MAF: variants seen among roughly 807,000 people sequenced by gnomAD.
MAF encodes MAF bZIP transcription factor.
A neutral mutation model predicts 22.0 loss-of-function variants in MAF; 10 were observed. That is an observed-to-expected ratio of 0.45 (90% confidence interval 0.28 to 0.77). MAF has a LOEUF of 0.77. Ranked by LOEUF, MAF falls within the 30% of genes least tolerant of loss-of-function variation. The pLI, the probability that MAF is intolerant of heterozygous loss-of-function variation, is 0.12. For synonymous variants in MAF, 337 were observed against 255.8 expected (o/e 1.32, Z -3.03); for missense variants, 544 against 548.4 (o/e 0.99, Z 0.08).
chr16:79,365,130 G>A, the MAF span, among the ~76,000 whole-genome samples: 892 of 152,268 alleles, frequency 5.9e-3, 10 homozygotes, highest in Non-Finnish European at 9.6e-3. Context: ...TACTAGTATA[G>A]GAGCCCAAGG....
the MAF span, among the ~76,000 whole-genome samples, chr16:79,222,172 G>T: frequency 6.6e-6 from 1 of 152,066 alleles, no homozygotes; most frequent in Non-Finnish European, 1.5e-5. Flanking sequence ...AAGAGAAAGG[G>T]GGCCAATTTT....
the MAF span, among the ~76,000 whole-genome samples, chr16:79,571,162 A>T: frequency 2.0e-5 from 3 of 152,056 alleles, no homozygotes; most frequent in African/African-American, 4.8e-5. Flanking sequence ...GTCTGAGCTG[A>T]CATTTCCTTA....
chr16:79,319,756 G>A, the MAF span, among the ~76,000 whole-genome samples: 2 of 152,196 alleles, frequency 1.3e-5, no homozygotes, highest in Admixed American at 6.5e-5. Context: ...GTGAAAAGTG[G>A]CAGGGTGATT....
the MAF span, among the ~76,000 whole-genome samples, chr16:79,413,697 G>C: frequency 6.6e-6 from 1 of 152,052 alleles, no homozygotes; most frequent in Non-Finnish European, 1.5e-5. Flanking sequence ...TCTCCATTGT[G>C]GGATCAGGTG....
the MAF span, among the ~76,000 whole-genome samples, chr16:79,335,788 T>C: frequency 1.3e-5 from 2 of 152,184 alleles, no homozygotes. Flanking sequence ...GCTCCAACTC[T>C]GGTTGGTGAT....
At chr16:79,268,791 C>T in the MAF span, among the ~76,000 whole-genome samples, 1 of 152,182 alleles carries the variant, frequency 6.6e-6, no homozygotes, top group Admixed American at 6.6e-5. Context: ...TGCTGCCGGC[C>T]ACCTGGGGCA....
the MAF span, among the ~76,000 whole-genome samples, chr16:79,499,516 G>A: frequency 7.9e-5 from 12 of 152,164 alleles, no homozygotes; most frequent in African/African-American, 2.2e-4. Flanking sequence ...AATCATCAAT[G>A]TGATGGTATT....
chr16:79,371,696 T>C, the MAF span, among the ~76,000 whole-genome samples: 2 of 152,182 alleles, frequency 1.3e-5, no homozygotes, highest in East Asian at 3.9e-4. Flanking sequence ...AGGCCTCAGG[T>C]CCTGTCTCCC....
the MAF span, among the ~76,000 whole-genome samples, chr16:79,543,624 G>A: frequency 6.6e-6 from 1 of 151,932 alleles, no homozygotes; most frequent in Non-Finnish European, 1.5e-5. Context: ...CGGTGGCCAA[G>A]GGTCAATGCG....
At chr16:79,332,866 G>A in the MAF span, among the ~76,000 whole-genome samples, 3 of 152,202 alleles carry the variant, frequency 2.0e-5, no homozygotes, top group African/African-American at 4.8e-5. Context: ...TGGAAGGGAA[G>A]TAGTTTGCCC....
At chr16:79,354,220 T>C in the MAF span, among the ~76,000 whole-genome samples, 2 of 152,038 alleles carry the variant, frequency 1.3e-5, no homozygotes, top group East Asian at 3.9e-4. Context: ...CTCAAAGTCC[T>C]GGCTCAAGTG....
At chr16:79,480,174 G>T in the MAF span, among the ~76,000 whole-genome samples, 11,737 of 152,114 alleles carry the variant, frequency 0.077, 587 homozygotes, top group Non-Finnish European at 0.12. Context: ...CACAGTAAAC[G>T]CGTGAGTATC....
the MAF span, among the ~76,000 whole-genome samples, chr16:79,355,819 C>T: frequency 6.6e-5 from 10 of 152,040 alleles, no homozygotes; most frequent in African/African-American, 9.7e-5. Context: ...GGGAGGGGAA[C>T]GTGGTGGGGT....
the MAF span, among the ~76,000 whole-genome samples, chr16:79,438,499 T>C: frequency 6.6e-6 from 1 of 152,134 alleles, no homozygotes; most frequent in Non-Finnish European, 1.5e-5. Flanking sequence ...AACGGGGCAG[T>C]GGGAAGTGGC....
At chr16:79,522,554 C>A in the MAF span, among the ~76,000 whole-genome samples, 2 of 152,314 alleles carry the variant, frequency 1.3e-5, no homozygotes, top group South Asian at 4.1e-4. Context: ...TGTCAACAGC[C>A]TTCCTAATTT....
intron 1 of MAF, chr16:79,596,983 T>C (rs1913570055): frequency 1.9e-6 from 2 of 1,053,086 alleles, no homozygotes; most frequent in South Asian, 9.1e-5. Flanking sequence ...CATTTTTGAA[T>C]GTAAAATACC....
At chr16:79,416,764 G>A in the MAF span, among the ~76,000 whole-genome samples, 2 of 152,194 alleles carry the variant, frequency 1.3e-5, no homozygotes, top group Non-Finnish European at 2.9e-5. Context: ...CCTATGACCT[G>A]AAGCAGCTTG....
the MAF span, among the ~76,000 whole-genome samples, chr16:79,323,551 A>G: frequency 5.3e-5 from 8 of 152,154 alleles, no homozygotes; most frequent in Admixed American, 5.2e-4. Flanking sequence ...GAAAGGAGAG[A>G]GACAAAGAAG....
At position 79,599,205 on chromosome 16, in the gene MAF, C is replaced by A. The variant is rs1913813070; in HGVS notation, c.698G>T (p.Gly233Val). ...CCCCGCCGCGCCCCCGCCGCCTCCG[C>A]CGCCGCCGCCGCCGCCGCCGCCCCC... ...SAGGGGGGGGGGGGGGAAGAG... is the reference protein window; with the variant it reads ...SAGGGGGGGGVGGGGGAAGAG... The change falls in exon 1 of 2, where the codon GGC becomes GTC. Residue 233 changes from glycine (G) to valine (V), a missense_variant. Around this residue, in one of 5 missense-constraint regions of MAF, gnomAD observed 342 missense variants for 315.5 expected, o/e 1.08. Transcript: ENST00000326043. 2 of 973,044 alleles carry A rather than the reference C, an allele frequency of 2.1e-6. No individual in the cohort carries two copies. The highest frequency in any genetic ancestry group is 2.4e-6 in the Non-Finnish European group (2 of 823,520). 60.3% of individuals were successfully genotyped at this position (973,044 alleles called of 1,614,324 possible).
Sources: gnomAD v4.1 joint callset for allele counts (sites outside exome capture counted in the v4.1 genomes callset) on GRCh38, gnomAD v4.1.1 for gene constraint, gnomAD v4.1.1 regional missense constraint, MANE v1.5 for transcripts, NCBI Gene and HGNC (gene_info 2026-07-23, HGNC 2026-07-21) for gene names.